The following CNTN4 variants were observed in gnomAD, a reference collection of about 807,000 sequenced individuals.
The protein encoded by CNTN4 is contactin-4.
CNTN4 carries 77 observed loss-of-function variants against 122.5 expected under a neutral mutation model. The ratio of observed to expected loss-of-function variants is 0.63; its 90% CI spans 0.52 to 0.76. CNTN4 has a LOEUF of 0.76. Ranked by LOEUF, CNTN4 falls within the 30% of genes least tolerant of loss-of-function variation. The pLI, the probability that CNTN4 is intolerant of heterozygous loss-of-function variation, is 0.00. For synonymous variants in CNTN4, 512 were observed against 447.0 expected, an observed-to-expected ratio of 1.15 and a Z score of -1.83; for missense variants, 1,256 against 1,259.1, an observed-to-expected ratio of 1.00 and a Z score of 0.04.
intron 6 of CNTN4, among the ~76,000 whole-genome samples, chr3:2,818,516 C>T (rs2092791392): frequency 2.0e-5 from 3 of 151,988 alleles, no homozygotes; most frequent in South Asian, 2.1e-4. Context: ...TGGAAGTCCC[C>T]GAATCCAATA....
In CNTN4 at chr3:2,902,857, T is replaced by A. The variant is rs1378079990; in HGVS notation, c.1078-19T>A. The A allele has an allele frequency of 6.2e-7, 1 of 1,609,482 alleles. No individual in the cohort carries two copies. The highest frequency in any genetic ancestry group is 8.5e-7 in the Non-Finnish European group (1 of 1,177,300). On this transcript the variant is annotated intron_variant, in intron 11 of 24. Transcript: ENST00000418658. ...GTTGTAGAAGGTCATTGTTTTTATGTTCCTCTTTTCTTTCACAGGATAGAA... is the reference window on the plus strand; with the variant it reads ...GTTGTAGAAGGTCATTGTTTTTATGATCCTCTTTTCTTTCACAGGATAGAA...
intron 4 of CNTN4, among the ~76,000 whole-genome samples, chr3:2,585,211 A>G (rs1209350860): frequency 3.9e-5 from 6 of 152,128 alleles, no homozygotes; most frequent in Non-Finnish European, 8.8e-5. Flanking sequence ...GAGGATGTGG[A>G]GAAATAGAAA....
At chr3:2,845,550 T>C (rs957048859) in intron 7 of CNTN4, among the ~76,000 whole-genome samples, 1 of 152,196 alleles carries the variant, frequency 6.6e-6, no homozygotes, top group African/African-American at 2.4e-5. Context: ...TTCTAGCAAC[T>C]TTTAAAATTA....
At position 2,841,337 on chromosome 3, in the gene CNTN4, C is replaced by T. The variant is rs912675698; in HGVS notation, c.454+21756C>T. Among the ~76,000 whole-genome samples, 6 of 152,136 alleles carry T rather than the reference C, an allele frequency of 3.9e-5. No individual in the cohort carries two copies. Among genetic ancestry groups the T allele is most frequent in the Admixed American group, 6.5e-5 (1 of 15,282 alleles). On this transcript the variant is annotated intron_variant, in intron 7 of 24. Coordinates refer to ENST00000418658, the MANE Select transcript of CNTN4 (RefSeq NM_175607.3). The surrounding 1 kb of genome is among the most constrained non-coding windows in gnomAD (Gnocchi z 4.8). ...TAACTGAAATTGCCTCATACTGTGA[C>T]ATTATTATATCCTACAATCACTCAT...
At chr3:2,767,037 A>G (rs937191523) in intron 6 of CNTN4, among the ~76,000 whole-genome samples, 5 of 152,220 alleles carry the variant, frequency 3.3e-5, no homozygotes, top group African/African-American at 9.6e-5. Context: ...AATACTAGAA[A>G]AAATGGTCTT....
At chr3:2,185,327 C>A (rs1040297527) in intron 2 of CNTN4, among the ~76,000 whole-genome samples, 2 of 152,120 alleles carry the variant, frequency 1.3e-5, no homozygotes, top group Non-Finnish European at 2.9e-5. Flanking sequence ...AAGTGCTTTC[C>A]CTCTAGTGTG....
rs566500669 is a variant in CNTN4, at chr3:3,055,689, G to A, written c.2981-431G>A. On this transcript the variant is annotated intron_variant, in intron 24 of 24. Transcript: ENST00000418658. ...TTTATTTCTCTGGGCGCAAATTACCGCCATCTGTTAAGCGAGGTAATAATA... is the reference window on the plus strand; with the variant it reads ...TTTATTTCTCTGGGCGCAAATTACCACCATCTGTTAAGCGAGGTAATAATA... Among the ~76,000 whole-genome samples the A allele has an allele frequency of 1.2e-3, 183 of 152,290 alleles. 1 individual carries two copies. Among genetic ancestry groups the A allele is most frequent in the African/African-American group, 3.9e-3 (160 of 41,552 alleles).
At chr3:2,938,408 C>A (rs1234775093) in intron 13 of CNTN4, among the ~76,000 whole-genome samples, 1 of 151,976 alleles carries the variant, frequency 6.6e-6, no homozygotes, top group Non-Finnish European at 1.5e-5. Flanking sequence ...TGGGATCAGT[C>A]CTATTATTGG....
At chr3:2,686,899 G>A (rs1231126963) in intron 4 of CNTN4, among the ~76,000 whole-genome samples, 1 of 152,078 alleles carries the variant, frequency 6.6e-6, no homozygotes, top group East Asian at 1.9e-4. Flanking sequence ...ACAAATCATT[G>A]CCACCAAAAA....
chr3:3,028,838 A>G lies in CNTN4; in HGVS notation c.1663-2017A>G, dbSNP rs1349778828. 2.0e-5 allele frequency among the ~76,000 whole-genome samples: 3 copies of G among 152,050 alleles called. No homozygotes were observed. In the East Asian group the frequency reaches 5.8e-4, roughly 29 times the overall value. ...CTTGAACAACACAGGTTTGAGCTGT[A>G]TGGGTCTACTTATATGTGGATTTTT... On this transcript the variant is annotated intron_variant, in intron 15 of 24. Transcript: ENST00000418658.
intron 3 of CNTN4, among the ~76,000 whole-genome samples, chr3:2,557,339 C>G (rs917725745): frequency 6.6e-6 from 1 of 152,180 alleles, no homozygotes; most frequent in Admixed American, 6.5e-5. Flanking sequence ...AAGGAGCTTA[C>G]GCTAGTAGTA....
intron 4 of CNTN4, among the ~76,000 whole-genome samples, chr3:2,652,225 AACAG>A (rs1490882094): frequency 6.6e-6 from 1 of 152,120 alleles, no homozygotes; most frequent in Non-Finnish European, 1.5e-5. Context: ...CTGTCTCTGA[AACAG>A]ACAAACACAA....
chr3:2,266,692 A>G (rs2041064132), intron 2 of CNTN4, among the ~76,000 whole-genome samples: 1 of 152,054 alleles, frequency 6.6e-6, no homozygotes, highest in Non-Finnish European at 1.5e-5. Flanking sequence ...TATGCAAACC[A>G]ATTCATTGGT....
intron 3 of CNTN4, among the ~76,000 whole-genome samples, chr3:2,372,842 G>A (rs999210890): frequency 1.3e-5 from 2 of 152,138 alleles, no homozygotes; most frequent in African/African-American, 2.4e-5. Context: ...CTGGAGGCCA[G>A]TTTGAGACCA....
At chr3:2,914,018 C>A (rs765259034) in intron 12 of CNTN4, among the ~76,000 whole-genome samples, 2 of 152,056 alleles carry the variant, frequency 1.3e-5, no homozygotes, top group African/African-American at 4.8e-5. Flanking sequence ...GGGAAATCCA[C>A]AAATATGTAA....
At chr3:2,474,114 T>G (rs1227315005) in intron 3 of CNTN4, among the ~76,000 whole-genome samples, 1 of 152,202 alleles carries the variant, frequency 6.6e-6, no homozygotes, top group East Asian at 1.9e-4. Flanking sequence ...ATCTCCTTTT[T>G]CTTGCCACCT....
chr3:2,977,992 C>G (rs985700260), intron 13 of CNTN4, among the ~76,000 whole-genome samples: 7 of 151,986 alleles, frequency 4.6e-5, no homozygotes, highest in Non-Finnish European at 1.0e-4. Context: ...CAAGGAACAC[C>G]AAAAAACAAA....
intron 3 of CNTN4, among the ~76,000 whole-genome samples, chr3:2,488,363 C>T (rs929820172): frequency 5.3e-5 from 8 of 152,180 alleles, no homozygotes; most frequent in Admixed American, 2.6e-4. Context: ...CTTGGGTTGT[C>T]TCTGGGTACT....
chr3:3,001,286 G>C (rs1696016003), intron 14 of CNTN4, among the ~76,000 whole-genome samples: 1 of 152,178 alleles, frequency 6.6e-6, no homozygotes, highest in Non-Finnish European at 1.5e-5. Flanking sequence ...AAGGAGTGGA[G>C]GATCAACGCA....
Sources: allele counts gnomAD v4.1 joint callset (sites outside exome capture counted in the v4.1 genomes callset), GRCh38; gene constraint gnomAD v4.1.1; non-coding constraint Gnocchi (gnomAD v3.1); transcripts MANE v1.5; gene names NCBI Gene and HGNC (gene_info 2026-07-23, HGNC 2026-07-21).